The following PAX7 variants were observed in gnomAD, a reference collection of about 807,000 sequenced individuals.
The protein encoded by PAX7 is paired box 7, also known as paired box protein Pax-7.
Under a neutral mutation model 50.7 loss-of-function variants are expected in PAX7, and 18 were observed. The ratio of observed to expected loss-of-function variants is 0.36; its 90% confidence interval spans 0.25 to 0.53. The LOEUF is 0.53. PAX7 is among the 20% of genes least tolerant of loss of function. PAX7 has a pLI of 0.93. For missense variants in PAX7, 644 were observed against 702.9 expected (o/e 0.92, Z 0.95); for synonymous variants, 310 against 290.4 (o/e 1.07, Z -0.69).
At chr1:18,693,196 C>T (rs986564154) in intron 5 of PAX7, among the ~76,000 whole-genome samples, 3 of 152,294 alleles carry the variant, frequency 2.0e-5, no homozygotes, top group East Asian at 1.9e-4. Context: ...GGAGTCAGAG[C>T]GGCCTGCAGA....
chr1:18,700,734 G>A lies in PAX7; in HGVS notation c.868G>A (p.Gly290Arg). ...GGCGGCGTTCAACCACCTTCTGCCA[G>A]GAGGCTTCCCACCCACCGGCATGCC... is the stretch of plus-strand genomic sequence containing the variant. ...QLAAFNHLLP[G>R]GFPPTGMPTL... The change falls in exon 6 of 9, where the codon GGA becomes AGA. Residue 290 changes from glycine (G) to arginine (R), a missense_variant. Physicochemically the swap from Gly to Arg is moderately radical, Grantham distance 125. Coordinates refer to ENST00000420770, the MANE Select transcript of PAX7 (RefSeq NM_001135254.2). This position sits in a 1 kb window ranked among gnomAD's most constrained non-coding sequence, Gnocchi z 4.8. 6.2e-7 allele frequency: 1 copy of A among 1,600,036 alleles called. No homozygotes were observed. The highest frequency in any genetic ancestry group is 8.5e-7 in the Non-Finnish European group (1 of 1,174,162).
In PAX7 at chr1:18,745,096, C is replaced by G; in HGVS notation, c.*167C>G. ...GGAGGTAGACAGCCAGCTTGTCACT[C>G]ACCTGTGGTTAGGGATCCAGAGTGA... On this transcript the variant is annotated 3_prime_UTR_variant, in exon 9 of 9. Transcript: ENST00000420770. 1.7e-6 allele frequency: 1 copy of G among 603,810 alleles called. No homozygotes were observed. The highest frequency in any genetic ancestry group is 3.0e-6 in the Non-Finnish European group (1 of 337,538). 37.4% of individuals were successfully genotyped at this position (603,810 alleles called of 1,614,324 possible).
rs200575057 is a variant in PAX7, at chr1:18,691,811, G to A, written c.644G>A (p.Arg215His). ...TCGGAACCTGACCTCCCACTGAAGC[G>A]CAAGCAGCGACGCAGTCGGACCACA... The part of the protein sequence containing the change: ...VESEPDLPLK[R>H]KQRRSRTTFT... The change falls in exon 5 of 9, where the codon CGC becomes CAC. Residue 215 changes from arginine (R) to histidine (H), a missense_variant. By Grantham distance (29) the Arg-to-His change is conservative. Coordinates refer to ENST00000420770, the MANE Select transcript of PAX7 (RefSeq NM_001135254.2). 5.8e-4 allele frequency: 941 copies of A among 1,610,016 alleles called. No homozygotes were observed. The highest frequency in any genetic ancestry group is 7.2e-4 in the Non-Finnish European group (847 of 1,178,380).
chr1:18,655,565 G>A lies in PAX7; in HGVS notation c.586+19194G>A, dbSNP rs1046724831. ...GGCCTCGCTCCCATTGAGGGGAGCC[G>A]GGGCCTGTGGCTCAGGGCTGCAGTC... On this transcript the variant is annotated intron_variant, in intron 4 of 8. Coordinates refer to ENST00000420770, the MANE Select transcript of PAX7 (RefSeq NM_001135254.2). 3.9e-5 allele frequency among the ~76,000 whole-genome samples: 6 copies of A among 152,200 alleles called. 1 individual carries two copies. The highest frequency in any genetic ancestry group is 1.2e-4 in the African/African-American group (5 of 41,436).
rs1328799601 is a variant in PAX7, at chr1:18,634,055, C to T, written c.86-248C>T. Among the ~76,000 whole-genome samples the T allele has an allele frequency of 6.6e-6, 1 of 152,216 alleles. No individual in the cohort carries two copies. The highest frequency in any genetic ancestry group is 1.5e-5 in the Non-Finnish European group (1 of 68,040). ...TCGTAGTGTGGCAGGAGTTGGGGGA[C>T]ACAGCATCTGGGGAGACTCTTGCAG... is the stretch of plus-strand genomic sequence containing the variant. On this transcript the variant is annotated intron_variant, in intron 1 of 8. Coordinates refer to ENST00000420770, the MANE Select transcript of PAX7 (RefSeq NM_001135254.2). This position sits in a 1 kb window ranked among gnomAD's most constrained non-coding sequence, Gnocchi z 4.0.
intron 4 of PAX7, among the ~76,000 whole-genome samples, chr1:18,683,775 T>C (rs909563): frequency 0.023 from 3,439 of 152,174 alleles, 148 homozygotes; most frequent in African/African-American, 0.078. Flanking sequence ...GGGAGGCGGA[T>C]GTTGCAGTGA....
At chr1:18,683,840 AAAT>A (rs112435145) in intron 4 of PAX7, among the ~76,000 whole-genome samples, 2 of 152,102 alleles carry the variant, frequency 1.3e-5, no homozygotes, top group Non-Finnish European at 2.9e-5. Flanking sequence ...ACTGTCTCAA[AAAT>A]AATAATAATA....
At position 18,631,539 on chromosome 1, in the gene PAX7, G is replaced by A; in HGVS notation, c.-65G>A. On this transcript the variant is annotated 5_prime_UTR_variant, in exon 1 of 9. Transcript: ENST00000420770. ...GACGGAAAGAAAGAGATCGCAGCAG[G>A]GGTGAAGGGAGCGGACGGGAAGCGA... 3 of 1,287,698 alleles carry A rather than the reference G, an allele frequency of 2.3e-6. No homozygotes were observed. Among genetic ancestry groups the A allele is most frequent in the Non-Finnish European group, 3.3e-6 (3 of 896,166 alleles). The allele number at this position is 1,287,698 out of a possible 1,614,324, so 79.8% of individuals were successfully genotyped here. A position where few individuals can be genotyped will look rare whatever the true frequency, so the allele number is the denominator to read the frequency against.
intron 3 of PAX7, among the ~76,000 whole-genome samples, chr1:18,635,479 T>G (rs184415123): frequency 3.0e-4 from 26 of 86,958 alleles, no homozygotes; most frequent in African/African-American, 7.4e-4. Context: ...GAGAGAGAAA[T>G]AAGAAAGGGA....
At chr1:18,714,848 G>C (rs1055221851) in intron 7 of PAX7, among the ~76,000 whole-genome samples, 1 of 152,216 alleles carries the variant, frequency 6.6e-6, no homozygotes, top group Non-Finnish European at 1.5e-5. Context: ...TGGCTTGGTG[G>C]GAAAGAATGC....
intron 4 of PAX7, among the ~76,000 whole-genome samples, chr1:18,652,090 G>A (rs1184647829): frequency 6.6e-6 from 1 of 151,912 alleles, no homozygotes. Context: ...AGAGAATCCC[G>A]GGCAGCAGCG....
At chr1:18,709,581 G>A (rs1164148285) in intron 7 of PAX7, among the ~76,000 whole-genome samples, 1 of 152,206 alleles carries the variant, frequency 6.6e-6, no homozygotes, top group African/African-American at 2.4e-5. Flanking sequence ...AGGTCCCGAT[G>A]GGCCTGAATG....
intron 8 of PAX7, among the ~76,000 whole-genome samples, chr1:18,739,269 T>C (rs2100413224): frequency 6.6e-6 from 1 of 152,342 alleles, no homozygotes; most frequent in African/African-American, 2.4e-5. Flanking sequence ...CACAGATTTG[T>C]GGAGGCCACT....
intron 4 of PAX7, among the ~76,000 whole-genome samples, chr1:18,649,599 A>C (rs2088400410): frequency 6.6e-6 from 1 of 151,304 alleles, no homozygotes; most frequent in Non-Finnish European, 1.5e-5. Flanking sequence ...CCATTGCCAC[A>C]CCCACCCCAC....
At chr1:18,661,823 C>T (rs1460372511) in intron 4 of PAX7, among the ~76,000 whole-genome samples, 1 of 152,232 alleles carries the variant, frequency 6.6e-6, no homozygotes, top group Non-Finnish European at 1.5e-5. Flanking sequence ...CAGCCCTGCC[C>T]TCTGCCCGCG....
chr1:18,686,357 C>T (rs1402049011), intron 4 of PAX7, among the ~76,000 whole-genome samples: 1 of 152,212 alleles, frequency 6.6e-6, no homozygotes, highest in Admixed American at 6.5e-5. Flanking sequence ...GGGCAATCTC[C>T]AGACCAGCAC....
intron 5 of PAX7, among the ~76,000 whole-genome samples, chr1:18,694,491 A>AATAC (rs1431267825): frequency 6.7e-6 from 1 of 149,480 alleles, no homozygotes; most frequent in Non-Finnish European, 1.5e-5. Context: ...TAAATAAATA[A>AATAC]ATAAATAAAT....
intron 4 of PAX7, among the ~76,000 whole-genome samples, chr1:18,663,057 T>C (rs904796158): frequency 2.0e-4 from 31 of 152,214 alleles, no homozygotes; most frequent in African/African-American, 9.6e-5. Flanking sequence ...AAACGGCACA[T>C]CTATACATAT....
chr1:18,727,641 G>A (rs2089591664), intron 7 of PAX7, among the ~76,000 whole-genome samples: 2 of 152,212 alleles, frequency 1.3e-5, no homozygotes, highest in African/African-American at 4.8e-5. Context: ...GAGGCTTAAA[G>A]GGAAATACTT....
Sources: allele counts gnomAD v4.1 joint callset (sites outside exome capture counted in the v4.1 genomes callset), GRCh38; gene constraint gnomAD v4.1.1; non-coding constraint Gnocchi (gnomAD v3.1); transcripts MANE v1.5; gene names NCBI Gene and HGNC (gene_info 2026-07-23, HGNC 2026-07-21).